The following CERT1 variants were observed in gnomAD, a reference collection of about 807,000 sequenced individuals.
The protein encoded by CERT1 is ceramide transporter 1.
CERT1 carries 31 observed loss-of-function variants against 87.9 expected under a neutral mutation model. The ratio of observed to expected loss-of-function variants is 0.35; its 90% CI spans 0.27 to 0.48. CERT1 has a LOEUF of 0.48. Among genes scored for constraint, CERT1 ranks in the 20% least tolerant of loss-of-function variants. The probability of loss-of-function intolerance (pLI) is 0.99; values close to 1 mark genes in which losing one functional copy is unlikely to be tolerated. For missense variants in CERT1, 487 were observed against 758.0 expected (o/e 0.64, Z 4.20); for synonymous variants, 289 against 250.9 (o/e 1.15, Z -1.44).
chr5:75,441,662 A>C (rs1346311079), intron 3 of CERT1, among the ~76,000 whole-genome samples: 1 of 152,182 alleles, frequency 6.6e-6, no homozygotes, highest in African/African-American at 2.4e-5. Context: ...ATATGAGTGG[A>C]ATCATACAGT....
rs764711662 is a variant in CERT1 at position 75,511,103 on chromosome 5, G to T, written c.96+9C>A. On this transcript the variant is annotated intron_variant, in intron 1 of 16. Transcript: ENST00000643780. ...GGCCAGGGGTCCCTTGGCACCAGGG[G>T]TTGCTCACCTTACTGAGGACCCCGC... 12 of 1,549,862 alleles carry T rather than the reference G, an allele frequency of 7.7e-6. No individual in the cohort carries two copies. The highest frequency in any genetic ancestry group is 1.9e-5 in the Admixed American group (1 of 51,346).
At chr5:75,483,765 G>C (rs572294303) in intron 2 of CERT1, among the ~76,000 whole-genome samples, 1 of 151,622 alleles carries the variant, frequency 6.6e-6, no homozygotes, top group Admixed American at 6.6e-5. Flanking sequence ...GAAAAATAAA[G>C]ACTTTCACAG....
chr5:75,419,023 C>T (rs1053875256), intron 6 of CERT1, among the ~76,000 whole-genome samples: 1 of 152,156 alleles, frequency 6.6e-6, no homozygotes, highest in African/African-American at 2.4e-5. Context: ...TACATCAACT[C>T]AACAGAACTG....
intron 11 of CERT1, among the ~76,000 whole-genome samples, chr5:75,395,361 T>C (rs966738706): frequency 6.6e-5 from 10 of 151,994 alleles, no homozygotes; most frequent in African/African-American, 2.4e-4. Context: ...CTGGGCAACA[T>C]AGCAAGGCCC....
At chr5:75,389,818 A>G (rs1761958029) in intron 11 of CERT1, 131 bp from the exon 12 acceptor site, 1 of 657,164 alleles carries the variant, frequency 1.5e-6, no homozygotes, top group Admixed American at 2.5e-5. Context: ...CACAAAGGTT[A>G]GTAGGTTTTA....
chr5:75,419,538 A>G (rs1218523955), intron 5 of CERT1, 114 bp from the exon 6 acceptor site: 2 of 708,298 alleles, frequency 2.8e-6, no homozygotes, highest in African/African-American at 3.6e-5. Flanking sequence ...ATGAAGTCTT[A>G]CTCATCTTTG....
In CERT1 at chr5:75,400,299, T is replaced by C. The variant is rs1762417819; in HGVS notation, c.1018-2A>G. On this transcript the variant is annotated splice_acceptor_variant, in intron 9 of 16. Coordinates refer to ENST00000643780, the MANE Select transcript of CERT1 (RefSeq NM_001379029.1). LOFTEE classifies it high-confidence loss of function. Reference sequence around the variant, plus strand: ...TAATCTCACCTTTTCACTCTGTGACTAAAAAAACATATAATATTAAGATGG... The same window carrying C: ...TAATCTCACCTTTTCACTCTGTGACCAAAAAAACATATAATATTAAGATGG... The C allele has an allele frequency of 6.3e-7, 1 of 1,596,564 alleles. No individual in the cohort carries two copies. The highest frequency in any genetic ancestry group is 2.2e-5 in the East Asian group (1 of 44,748).
intron 2 of CERT1, among the ~76,000 whole-genome samples, chr5:75,500,252 T>C (rs1258462018): frequency 1.3e-5 from 2 of 152,286 alleles, no homozygotes; most frequent in East Asian, 1.9e-4. Flanking sequence ...TGTGAAACAA[T>C]ACATTTCTGT....
intron 2 of CERT1, among the ~76,000 whole-genome samples, chr5:75,494,932 T>A (rs900305068): frequency 1.3e-5 from 2 of 152,224 alleles, no homozygotes; most frequent in Non-Finnish European, 2.9e-5. Flanking sequence ...GTGAAACTAT[T>A]TGAAGTCTTT....
At chr5:75,451,930 G>A (rs1764784381) in intron 3 of CERT1, among the ~76,000 whole-genome samples, 1 of 152,006 alleles carries the variant, frequency 6.6e-6, no homozygotes, top group Admixed American at 6.5e-5. Context: ...TCTCTAAATG[G>A]GTCTTGAGCT....
chr5:75,507,686 T>C (rs1423697049), intron 1 of CERT1, among the ~76,000 whole-genome samples: 2 of 152,172 alleles, frequency 1.3e-5, no homozygotes, highest in African/African-American at 4.8e-5. Context: ...AACAGATTAG[T>C]GGATATAGGA....
intron 3 of CERT1, among the ~76,000 whole-genome samples, chr5:75,442,836 G>GT (rs1355014310): frequency 6.6e-6 from 1 of 152,120 alleles, no homozygotes; most frequent in Non-Finnish European, 1.5e-5. Flanking sequence ...TCACATTCAT[G>GT]TAACTTTTAC....
intron 17 of CERT1, chr5:75,369,187 AT>A (rs1580674988): frequency 1.3e-5 from 2 of 152,300 alleles, no homozygotes; most frequent in East Asian, 3.9e-4. Context: ...AAGTGCTGGG[AT>A]TACAGGTGTG....
rs923760028 is a variant in CERT1, at chr5:75,437,786, A to G, written c.349-11308T>C. Among the ~76,000 whole-genome samples the G allele has an allele frequency of 2.7e-5, 4 of 148,690 alleles. No individual in the cohort carries two copies. The East Asian group carries it at 5.9e-4, about 22-fold the overall frequency. ...GTCTCATTAAAAAAAAAAAAAAAAA[A>G]GAAAAAAGAAAAGATAGTATACTCA... On this transcript the variant is annotated intron_variant, in intron 3 of 16. Transcript: ENST00000643780.
intron 14 of CERT1, among the ~76,000 whole-genome samples, chr5:75,383,852 T>G (rs1761681452): frequency 6.6e-6 from 1 of 152,194 alleles, no homozygotes; most frequent in Admixed American, 6.5e-5. Context: ...ATACACATTA[T>G]GTTATTGGGC....
At chr5:75,484,369 C>T (rs1002517554) in intron 2 of CERT1, among the ~76,000 whole-genome samples, 4 of 145,394 alleles carry the variant, frequency 2.8e-5, no homozygotes, top group Non-Finnish European at 4.6e-5. Context: ...AAACAAATAA[C>T]AAAATGGCAG....
intron 11 of CERT1, among the ~76,000 whole-genome samples, chr5:75,397,079 C>T (rs1191701573): frequency 6.6e-6 from 1 of 152,174 alleles, no homozygotes; most frequent in East Asian, 1.9e-4. Flanking sequence ...AAAATCTTAT[C>T]AATTGGGAAT....
At chr5:75,487,806 G>A (rs1472761552) in intron 2 of CERT1, among the ~76,000 whole-genome samples, 1 of 151,876 alleles carries the variant, frequency 6.6e-6, no homozygotes, top group East Asian at 1.9e-4. Context: ...GCCATTATAA[G>A]TGTCCGACAA....
At chr5:75,490,877 A>G (rs1434755478) in intron 2 of CERT1, among the ~76,000 whole-genome samples, 1 of 152,000 alleles carries the variant, frequency 6.6e-6, no homozygotes, top group African/African-American at 2.4e-5. Flanking sequence ...ATTTTCTTTC[A>G]TCTCTTTGAG....
Sources: allele counts gnomAD v4.1 joint callset (sites outside exome capture counted in the v4.1 genomes callset), GRCh38; gene constraint gnomAD v4.1.1; transcripts MANE v1.5; gene names NCBI Gene and HGNC (gene_info 2026-07-23, HGNC 2026-07-21).